Variants in DENND5A observed in about 807,000 individuals in gnomAD.
The protein encoded by DENND5A is DENN domain-containing protein 5A.
DENND5A carries 64 observed loss-of-function variants against 140.3 expected under a neutral mutation model. The observed-to-expected ratio is 0.46, with a 90% CI of 0.37 to 0.56. The LOEUF (loss-of-function observed/expected upper bound fraction) is 0.56, where lower values mean the gene tolerates loss of function less well. DENND5A is among the 20% of genes least tolerant of loss of function. The pLI is 0.00. For missense variants in DENND5A, 1,292 were observed against 1,593.8 expected, an observed-to-expected ratio of 0.81 and a Z score of 3.22; for synonymous variants, 605 against 607.7, an observed-to-expected ratio of 1.00 and a Z score of 0.07.
chr11:9,194,360 T>G (rs1340080816), intron 4 of DENND5A, among the ~76,000 whole-genome samples: 2 of 151,894 alleles, frequency 1.3e-5, no homozygotes, highest in Non-Finnish European at 2.9e-5. Context: ...AGGTCAGGAG[T>G]TCGAGACCAG....
At chr11:9,243,897 AAAT>A (rs940901120) in intron 1 of DENND5A, among the ~76,000 whole-genome samples, 1 of 152,150 alleles carries the variant, frequency 6.6e-6, no homozygotes, top group African/African-American at 2.4e-5. Flanking sequence ...CACACACAAA[AAAT>A]AATATTTTAT....
chr11:9,145,289 G>A (rs1847389937), intron 17 of DENND5A, 176 bp from the exon 18 acceptor site: 4 of 602,166 alleles, frequency 6.6e-6, no homozygotes, highest in Non-Finnish European at 8.8e-6. Context: ...TCATGGGGGT[G>A]CCCAAGGCTG....
At chr11:9,164,050 A>T (rs1848087302) in intron 11 of DENND5A, among the ~76,000 whole-genome samples, 1 of 129,966 alleles carries the variant, frequency 7.7e-6, no homozygotes, top group South Asian at 2.5e-4. Flanking sequence ...CTGATATATT[A>T]ATCAGGTTTT....
chr11:9,152,663 T>C (rs1219305797), intron 12 of DENND5A, among the ~76,000 whole-genome samples: 1 of 151,962 alleles, frequency 6.6e-6, no homozygotes, highest in Non-Finnish European at 1.5e-5. Flanking sequence ...CTACTGGGAA[T>C]AGAAAGGAGA....
intron 10 of DENND5A, among the ~76,000 whole-genome samples, chr11:9,169,389 T>C (rs1449719416): frequency 6.6e-6 from 1 of 151,952 alleles, no homozygotes; most frequent in African/African-American, 2.4e-5. Context: ...GAGGCTGCAG[T>C]GAGCCGAGAT....
chr11:9,167,564 G>A (rs544411514), intron 10 of DENND5A, among the ~76,000 whole-genome samples: 4 of 151,772 alleles, frequency 2.6e-5, no homozygotes, highest in Non-Finnish European at 5.9e-5. Flanking sequence ...GATCACTTGA[G>A]CTCAGAAGTT....
At chr11:9,244,043 A>G (rs1851360230) in intron 1 of DENND5A, among the ~76,000 whole-genome samples, 1 of 152,212 alleles carries the variant, frequency 6.6e-6, no homozygotes, top group Admixed American at 6.6e-5. Context: ...GTAGGCTGTT[A>G]GTAAAGTTTT....
chr11:9,155,010 A>T lies in DENND5A; in HGVS notation c.2437-2568T>A, dbSNP rs1055129340. Among the ~76,000 whole-genome samples the T allele has an allele frequency of 7.2e-5, 11 of 152,108 alleles. No individual in the cohort carries two copies. In the East Asian group the frequency reaches 1.7e-3, roughly 24 times the overall value. On this transcript the variant is annotated intron_variant, in intron 12 of 22. Transcript: ENST00000328194. ...ACTAAAATACAAAAATTAGGCGCGC[A>T]TGGTGACAGGCACCTGTAATCCCAG...
chr11:9,257,880 C>A (rs1229965332), intron 1 of DENND5A, among the ~76,000 whole-genome samples: 1 of 151,776 alleles, frequency 6.6e-6, no homozygotes, highest in Non-Finnish European at 1.5e-5. Flanking sequence ...GCAGCCTCCG[C>A]CTCCCAGATT....
intron 1 of DENND5A, among the ~76,000 whole-genome samples, chr11:9,214,979 G>T (rs1262344563): frequency 6.6e-6 from 1 of 152,116 alleles, no homozygotes; most frequent in African/African-American, 2.4e-5. Context: ...TGTCCACCTT[G>T]GCCTCCCAAA....
In DENND5A at chr11:9,202,036, A is replaced by C. The variant is rs181157867; in HGVS notation, c.949+1624T>G. 1.8e-4 allele frequency among the ~76,000 whole-genome samples: 27 copies of C among 152,314 alleles called. No homozygotes were observed. In the East Asian group the frequency reaches 4.6e-3, roughly 26 times the overall value. On this transcript the variant is annotated intron_variant, in intron 4 of 22. Transcript: ENST00000328194. ...TGAAAACTGACAGTATGTGCCTCCT[A>C]ATATAATGCACTGAGAGAAGCACAT...
chr11:9,217,470 C>T (rs1850139617), intron 1 of DENND5A, among the ~76,000 whole-genome samples: 1 of 150,848 alleles, frequency 6.6e-6, no homozygotes. Flanking sequence ...GCCGAGATCT[C>T]ACCACTGCAC....
At chr11:9,175,658 A>T (rs1228398475) in intron 8 of DENND5A, 1 of 152,230 alleles carries the variant, frequency 6.6e-6, no homozygotes, top group Non-Finnish European at 1.5e-5. Context: ...AATGAAACAG[A>T]ACAGAGAATC....
At chr11:9,264,352 A>C (rs764948683) in intron 1 of DENND5A, among the ~76,000 whole-genome samples, 33 of 152,050 alleles carry the variant, frequency 2.2e-4, no homozygotes, top group Non-Finnish European at 4.9e-4. Flanking sequence ...CTTTTCAAAA[A>C]AGGCATGGCC....
At chr11:9,257,482 C>CTTTTT (rs1281178041) in intron 1 of DENND5A, among the ~76,000 whole-genome samples, 4 of 119,022 alleles carry the variant, frequency 3.4e-5, no homozygotes, top group African/African-American at 9.3e-5. Context: ...ACACAGTATT[C>CTTTTT]TTTTTTTTTT....
chr11:9,174,307 C>T (rs945708528), intron 8 of DENND5A, among the ~76,000 whole-genome samples: 3 of 151,610 alleles, frequency 2.0e-5, no homozygotes, highest in Admixed American at 1.3e-4. Flanking sequence ...AAACCGGAAA[C>T]TGTCAAATTG....
chr11:9,166,006 G>GTACA, intron 10 of DENND5A, 39 bp from the exon 11 acceptor site: 2 of 1,609,588 alleles, frequency 1.2e-6, no homozygotes. Flanking sequence ...TTGTGTCCAT[G>GTACA]TACATAAACC....
intron 1 of DENND5A, among the ~76,000 whole-genome samples, chr11:9,256,609 A>G (rs970199308): frequency 1.3e-5 from 2 of 152,242 alleles, no homozygotes; most frequent in Non-Finnish European, 2.9e-5. Context: ...CCTTGAAAAC[A>G]TTATGCTAAG....
At chr11:9,221,744 T>TTTG (rs71062815) in intron 1 of DENND5A, among the ~76,000 whole-genome samples, 30,043 of 151,338 alleles carry the variant, frequency 0.2, 3,269 homozygotes, top group East Asian at 0.37. Flanking sequence ...AATTGAGAAT[T>TTTG]TTGTTGTTGT....
Sources: allele counts gnomAD v4.1 joint callset (sites outside exome capture counted in the v4.1 genomes callset), GRCh38; gene constraint gnomAD v4.1.1; transcripts MANE v1.5; gene names NCBI Gene and HGNC (gene_info 2026-07-23, HGNC 2026-07-21).